EDIL3: variants seen among roughly 807,000 people sequenced by gnomAD.
The protein encoded by EDIL3 is EGF-like repeat and discoidin I-like domain-containing protein 3.
EDIL3 carries 37 observed loss-of-function variants against 67.4 expected under a neutral mutation model. The ratio of observed to expected loss-of-function variants is 0.55; its 90% CI spans 0.42 to 0.72. The LOEUF (loss-of-function observed/expected upper bound fraction) is 0.72, where lower values mean the gene tolerates loss of function less well. Among genes scored for constraint, EDIL3 ranks in the 30% least tolerant of loss-of-function variants. EDIL3 has a pLI of 0.00. For synonymous variants in EDIL3, 195 were observed against 196.3 expected (o/e 0.99, Z 0.05); for missense variants, 527 against 586.3 (o/e 0.90, Z 1.04).
intron 5 of EDIL3, among the ~76,000 whole-genome samples, chr5:84,125,338 T>C (rs1419409195): frequency 5.3e-5 from 8 of 152,058 alleles, no homozygotes. Flanking sequence ...TGCATGATGT[T>C]ATTGCCACAG....
chr5:84,229,706 G>C, intron 3 of EDIL3, 149 bp downstream of exon 3: 1 of 763,746 alleles, frequency 1.3e-6, no homozygotes. Context: ...ACAGCATAGT[G>C]AGCTCAGCAA....
At chr5:84,333,471 C>T (rs1746917254) in intron 1 of EDIL3, among the ~76,000 whole-genome samples, 1 of 152,112 alleles carries the variant, frequency 6.6e-6, no homozygotes, top group African/African-American at 2.4e-5. Flanking sequence ...AACAAATTAA[C>T]AAGATCAAAA....
intron 9 of EDIL3, among the ~76,000 whole-genome samples, chr5:83,984,936 G>T (rs753377894): frequency 8.2e-6 from 1 of 122,094 alleles, no homozygotes; most frequent in African/African-American, 3.1e-5. Context: ...GCACACACAC[G>T]TATGCAAACA....
intron 1 of EDIL3, among the ~76,000 whole-genome samples, chr5:84,288,206 T>C (rs908173647): frequency 6.6e-6 from 1 of 152,132 alleles, no homozygotes; most frequent in Non-Finnish European, 1.5e-5. Context: ...CTTTCTCTCA[T>C]ACCCACATCC....
chr5:84,074,164 G>A (rs905034862), intron 6 of EDIL3, among the ~76,000 whole-genome samples: 1 of 151,026 alleles, frequency 6.6e-6, no homozygotes, highest in African/African-American at 2.5e-5. Flanking sequence ...GCGGAAACTG[G>A]ATCCCTTCCT....
intron 4 of EDIL3, among the ~76,000 whole-genome samples, chr5:84,149,450 G>A (rs1748349150): frequency 1.3e-5 from 2 of 152,090 alleles, no homozygotes; most frequent in South Asian, 4.1e-4. Context: ...CTTAGTAGTG[G>A]GGGATAATTA....
In EDIL3 at chr5:84,000,698, C is replaced by A. The variant is rs922541103; in HGVS notation, c.1138-37338G>T. Among the ~76,000 whole-genome samples the A allele has an allele frequency of 1.5e-4, 23 of 151,882 alleles. 1 individual carries two copies. Among genetic ancestry groups the A allele is most frequent in the Admixed American group, 4.6e-4 (7 of 15,246 alleles). ...CAGAAAAATCCAAGGTGACAGTATTCCAGAATAGACCATATGTTAATCCAC... is the reference window on the plus strand; with the variant it reads ...CAGAAAAATCCAAGGTGACAGTATTACAGAATAGACCATATGTTAATCCAC... On this transcript the variant is annotated intron_variant, in intron 9 of 10. Coordinates refer to ENST00000296591, the MANE Select transcript of EDIL3 (RefSeq NM_005711.5).
At chr5:84,029,389 A>T (rs1386207941) in intron 9 of EDIL3, among the ~76,000 whole-genome samples, 1 of 152,168 alleles carries the variant, frequency 6.6e-6, no homozygotes, top group East Asian at 1.9e-4. Context: ...AGGCCTCCCC[A>T]GCCATGTGGA....
chr5:84,176,181 AATATATATATATATATAAT>A (rs1205216926), intron 4 of EDIL3, among the ~76,000 whole-genome samples: 3 of 86,466 alleles, frequency 3.5e-5, no homozygotes, highest in Non-Finnish European at 2.0e-5. Flanking sequence ...AGTGGTAAAA[AATATATATATATATATAAT>A]ATATATATAT....
intron 1 of EDIL3, among the ~76,000 whole-genome samples, chr5:84,364,026 A>G (rs1398433598): frequency 6.6e-6 from 1 of 152,202 alleles, no homozygotes; most frequent in Non-Finnish European, 1.5e-5. Flanking sequence ...ATGACATCTT[A>G]ATGGGTACAG....
At chr5:84,351,565 G>A (rs1747362511) in intron 1 of EDIL3, among the ~76,000 whole-genome samples, 1 of 152,090 alleles carries the variant, frequency 6.6e-6, no homozygotes, top group Non-Finnish European at 1.5e-5. Flanking sequence ...AAAAGGAGAT[G>A]ATACTAACCT....
At chr5:83,962,887 A>G (rs1019379464) in intron 10 of EDIL3, among the ~76,000 whole-genome samples, 7 of 151,680 alleles carry the variant, frequency 4.6e-5, no homozygotes, top group South Asian at 2.1e-4. Context: ...AACTATTTAC[A>G]TATGTATTAT....
intron 8 of EDIL3, among the ~76,000 whole-genome samples, chr5:84,062,469 A>G (rs2112237477): frequency 6.6e-6 from 1 of 152,224 alleles, no homozygotes; most frequent in Admixed American, 6.6e-5. Flanking sequence ...TACTTTGACC[A>G]CTTCTGCTTA....
intron 1 of EDIL3, among the ~76,000 whole-genome samples, chr5:84,380,916 G>C (rs1413097603): frequency 6.6e-6 from 1 of 151,800 alleles, no homozygotes; most frequent in African/African-American, 2.4e-5. Context: ...CATGTATCTA[G>C]AGAGAAAAGC....
chr5:84,208,648 C>T (rs1213686136), intron 3 of EDIL3, among the ~76,000 whole-genome samples: 6 of 133,036 alleles, frequency 4.5e-5, no homozygotes, highest in African/African-American at 1.4e-4. Context: ...CACTGCAGTC[C>T]GCAGTCCGGC....
chr5:83,975,251 C>T (rs1319636607), intron 9 of EDIL3, among the ~76,000 whole-genome samples: 2 of 151,970 alleles, frequency 1.3e-5, no homozygotes, highest in African/African-American at 2.4e-5. Flanking sequence ...TCAGAAATTA[C>T]ACAAGGGCTA....
At chr5:84,280,761 G>A (rs1745679683) in intron 1 of EDIL3, among the ~76,000 whole-genome samples, 1 of 151,728 alleles carries the variant, frequency 6.6e-6, no homozygotes, top group East Asian at 1.9e-4. Context: ...TGGGCAACAT[G>A]GTGAGACTCT....
At position 83,943,171 on chromosome 5, in the gene EDIL3, A is replaced by G; in HGVS notation, c.*248T>C. On this transcript the variant is annotated 3_prime_UTR_variant, in exon 11 of 11. Transcript: ENST00000296591. ...TGCGAATAATTCAGGAAACAATGAG[A>G]GAAAAGTAATTCACACTTAATGTGT... is the stretch of plus-strand genomic sequence containing the variant. 2.3e-6 allele frequency: 1 copy of G among 435,432 alleles called. No homozygotes were observed. Among genetic ancestry groups the G allele is most frequent in the Non-Finnish European group, 4.1e-6 (1 of 243,070 alleles). 27.0% of individuals were successfully genotyped at this position (435,432 alleles called of 1,614,324 possible). A position where few individuals can be genotyped will look rare whatever the true frequency, so the allele number is the denominator to read the frequency against.
intron 1 of EDIL3, among the ~76,000 whole-genome samples, chr5:84,301,807 T>C (rs1030348301): frequency 6.6e-6 from 1 of 152,148 alleles, no homozygotes; most frequent in African/African-American, 2.4e-5. Flanking sequence ...TGGTCCAAAG[T>C]AAATAGAAAA....
Sources: allele counts gnomAD v4.1 joint callset (sites outside exome capture counted in the v4.1 genomes callset), GRCh38; gene constraint gnomAD v4.1.1; transcripts MANE v1.5; gene names NCBI Gene and HGNC (gene_info 2026-07-23, HGNC 2026-07-21).